Variants in GRK5 observed in about 807,000 individuals in gnomAD.
GRK5 encodes g protein-coupled receptor kinase GRK5.
GRK5 carries 40 observed loss-of-function variants against 78.4 expected under a neutral mutation model. That is an observed-to-expected ratio of 0.51 (90% CI 0.40 to 0.66). GRK5 has a LOEUF of 0.66. GRK5 is among the 30% of genes least tolerant of loss of function. The probability of loss-of-function intolerance (pLI) is 0.00; values close to 1 mark genes in which losing one functional copy is unlikely to be tolerated. For synonymous variants in GRK5, 289 were observed against 296.8 expected (o/e 0.97, Z 0.27); for missense variants, 598 against 759.9 (o/e 0.79, Z 2.50).
chr10:119,335,711 T>C (rs1850873883), intron 2 of GRK5, among the ~76,000 whole-genome samples: 1 of 152,194 alleles, frequency 6.6e-6, no homozygotes, highest in Non-Finnish European at 1.5e-5. Context: ...CTTGTTAAGC[T>C]CCTCCTCTGT....
At chr10:119,317,211 T>C (rs925440567) in intron 1 of GRK5, among the ~76,000 whole-genome samples, 1 of 152,140 alleles carries the variant, frequency 6.6e-6, no homozygotes, top group African/African-American at 2.4e-5. Context: ...CCCCCACTTA[T>C]TCAGGGTCCA....
At chr10:119,218,153 A>G (rs1294155348) in intron 1 of GRK5, among the ~76,000 whole-genome samples, 1 of 151,228 alleles carries the variant, frequency 6.6e-6, no homozygotes, top group Non-Finnish European at 1.5e-5. Flanking sequence ...GAGGCAAGGG[A>G]GTGTATAAGA....
chr10:119,270,047 C>G (rs2081362967), intron 1 of GRK5, among the ~76,000 whole-genome samples: 1 of 152,136 alleles, frequency 6.6e-6, no homozygotes, highest in Non-Finnish European at 1.5e-5. Flanking sequence ...TGCCCAGAGT[C>G]CCGTGCTCTC....
chr10:119,385,106 A>T (rs1293935550), intron 3 of GRK5, among the ~76,000 whole-genome samples: 1 of 151,254 alleles, frequency 6.6e-6, no homozygotes, highest in Non-Finnish European at 1.5e-5. Context: ...GAGTGTCCGC[A>T]GTTGGAGGGG....
chr10:119,330,992 C>T (rs959080274), intron 2 of GRK5, among the ~76,000 whole-genome samples: 36 of 152,326 alleles, frequency 2.4e-4, no homozygotes, highest in African/African-American at 7.9e-4. Flanking sequence ...TCCCCATAAG[C>T]TTCCAGGCAT....
In GRK5 at chr10:119,324,066, C is replaced by G. The variant is rs182378529; in HGVS notation, c.53-2450C>G. ...GGGAGCTCACAGGCTGGGTCCCCAG[C>G]TAGATCCTTGCTCCTGCTCCCGTCA... On this transcript the variant is annotated intron_variant, in intron 1 of 15. Coordinates refer to ENST00000392870, the MANE Select transcript of GRK5 (RefSeq NM_005308.3). Among the ~76,000 whole-genome samples the G allele has an allele frequency of 1.6e-3, 245 of 152,356 alleles. 3 individuals carry two copies. The highest frequency in any genetic ancestry group is 5.6e-3 in the African/African-American group (233 of 41,572).
intron 1 of GRK5, among the ~76,000 whole-genome samples, chr10:119,250,734 C>T (rs540110565): frequency 2.0e-5 from 3 of 152,122 alleles, no homozygotes; most frequent in East Asian, 1.9e-4. Flanking sequence ...TGGAAGTGAA[C>T]GTTGGAGAAA....
chr10:119,436,107 G>A lies in GRK5; in HGVS notation c.739-544G>A, dbSNP rs143160318. Among the ~76,000 whole-genome samples, 1,435 of 152,326 alleles carry A rather than the reference G, an allele frequency of 9.4e-3. 17 individuals are homozygous for A. Among genetic ancestry groups the A allele is most frequent in the African/African-American group, 0.032 (1,327 of 41,560 alleles). On this transcript the variant is annotated intron_variant, in intron 8 of 15. Transcript: ENST00000392870. ...CCCACAACACATGGGAATTATGGGA[G>A]TACAATTCAAGATGAGATTTGGGTG...
At chr10:119,444,174 G>A (rs747119781) in intron 12 of GRK5, among the ~76,000 whole-genome samples, 21 of 152,128 alleles carry the variant, frequency 1.4e-4, no homozygotes, top group African/African-American at 1.9e-4. Flanking sequence ...GGTTTAAGAC[G>A]AAGGGCTACA....
intron 2 of GRK5, among the ~76,000 whole-genome samples, chr10:119,365,841 G>T (rs1851440721): frequency 6.6e-6 from 1 of 152,252 alleles, no homozygotes; most frequent in Non-Finnish European, 1.5e-5. Context: ...TCCGCTTCCT[G>T]TGTAGCAGTT....
At chr10:119,418,393 C>T (rs752621351) in intron 4 of GRK5, among the ~76,000 whole-genome samples, 25 of 152,176 alleles carry the variant, frequency 1.6e-4, no homozygotes, top group Non-Finnish European at 3.5e-4. Flanking sequence ...GTTCTCACAG[C>T]CCGCAGTTCC....
intron 1 of GRK5, among the ~76,000 whole-genome samples, chr10:119,259,705 T>C (rs1849342126): frequency 6.6e-6 from 1 of 152,202 alleles, no homozygotes; most frequent in Admixed American, 6.5e-5. Context: ...CTGTATATTA[T>C]GGTAGCTACT....
intron 1 of GRK5, among the ~76,000 whole-genome samples, chr10:119,251,554 C>T (rs572107963): frequency 3.3e-4 from 51 of 152,312 alleles, no homozygotes; most frequent in African/African-American, 1.1e-3. Context: ...TGACAGGCTG[C>T]GAACATTTAT....
intron 1 of GRK5, among the ~76,000 whole-genome samples, chr10:119,258,370 A>T (rs895274537): frequency 4.5e-4 from 68 of 152,334 alleles, no homozygotes; most frequent in African/African-American, 1.6e-3. Context: ...GGTGATTATG[A>T]ATAAAGCCAC....
chr10:119,457,876 T>TTG lies in GRK5; in HGVS notation c.*2809_*2810insTG, dbSNP rs1554925808. On this transcript the variant is annotated 3_prime_UTR_variant, in exon 16 of 16. Transcript: ENST00000392870. ...TAATTTTTAAAATTTTTTGTAGAGA[T>TTG]GGGGGGGGGGTCTCCCCATGTTGCC... The TTG allele has an allele frequency of 1.4e-5, 2 of 142,676 alleles. No individual in the cohort carries two copies. The highest frequency in any genetic ancestry group is 2.1e-4 in the East Asian group (1 of 4,804). 8.8% of individuals were successfully genotyped at this position (142,676 alleles called of 1,614,324 possible). A position where few individuals can be genotyped will look rare whatever the true frequency, so the allele number is the denominator to read the frequency against.
At chr10:119,377,710 GA>G (rs1297812248) in intron 2 of GRK5, among the ~76,000 whole-genome samples, 1 of 151,114 alleles carries the variant, frequency 6.6e-6, no homozygotes, top group Non-Finnish European at 1.5e-5. Flanking sequence ...CATATGGAGA[GA>G]AAAAAAAATC....
In GRK5 at chr10:119,412,767, T is replaced by G. The variant is rs1030986206; in HGVS notation, c.340-10399T>G. On this transcript the variant is annotated intron_variant, in intron 4 of 15. Transcript: ENST00000392870. The surrounding 1 kb of genome is among the most constrained non-coding windows in gnomAD (Gnocchi z 4.3). ...CTCTGCGCCTGCTGCTCAGCAAACC[T>G]TTTTCTCTGGTTGTGACCGTATGAG... 6.6e-6 allele frequency among the ~76,000 whole-genome samples: 1 copy of G among 152,158 alleles called. No homozygotes were observed. Among genetic ancestry groups the G allele is most frequent in the African/African-American group, 2.4e-5 (1 of 41,434 alleles).
chr10:119,382,329 G>GGA (rs1399396750), intron 3 of GRK5, among the ~76,000 whole-genome samples: 3 of 152,024 alleles, frequency 2.0e-5, no homozygotes, highest in African/African-American at 7.2e-5. Context: ...AAACACCTGG[G>GGA]GAGCCTTAAA....
At chr10:119,375,293 C>T (rs1208775785) in intron 2 of GRK5, among the ~76,000 whole-genome samples, 1 of 152,164 alleles carries the variant, frequency 6.6e-6, no homozygotes, top group Non-Finnish European at 1.5e-5. Context: ...TCTCCTTGCC[C>T]CTCCTCCCAG....
Sources: gnomAD v4.1 joint callset for allele counts (sites outside exome capture counted in the v4.1 genomes callset) on GRCh38, gnomAD v4.1.1 for gene constraint, Gnocchi (gnomAD v3.1) non-coding constraint, MANE v1.5 for transcripts, NCBI Gene and HGNC (gene_info 2026-07-23, HGNC 2026-07-21) for gene names.